The following BTD variants were observed in gnomAD, a reference collection of about 807,000 sequenced individuals.
BTD encodes biocytinase.
In BTD, 13 loss-of-function variants were observed where a neutral mutation model predicts 17.7. That is an observed-to-expected ratio of 0.74 (90% CI 0.48 to 1.17). The LOEUF (loss-of-function observed/expected upper bound fraction) is 1.17. BTD is among the 50% of genes most tolerant of loss of function. The pLI is 0.00. For synonymous variants in BTD, 240 were observed against 245.2 expected (o/e 0.98, Z 0.20); for missense variants, 674 against 650.4 (o/e 1.04, Z -0.39).
chr3:15,602,387 G>A (rs915767353), intron 1 of BTD: 23 of 915,002 alleles, frequency 2.5e-5, no homozygotes, highest in Admixed American at 5.3e-5. Context: ...CCAAAATTAG[G>A]AACTATGGCG....
chr3:15,698,299 A>C (rs6442538), intron 3 of BTD, among the ~76,000 whole-genome samples: 71,414 of 152,008 alleles, frequency 0.47, 19,686 homozygotes, highest in Middle Eastern at 0.6. Flanking sequence ...AATGGGCAAA[A>C]ACTGGAAGCA....
downstream of BTD, among the ~76,000 whole-genome samples, chr3:15,717,397 A>G (rs2073192626): frequency 6.6e-6 from 1 of 152,170 alleles, no homozygotes; most frequent in Non-Finnish European, 1.5e-5. Flanking sequence ...TACTAACTAA[A>G]AAGTTTGCCA....
intron 1 of BTD, among the ~76,000 whole-genome samples, chr3:15,633,500 G>A (rs2065265544): frequency 2.0e-5 from 3 of 152,166 alleles, no homozygotes; most frequent in African/African-American, 4.8e-5. Context: ...GATACCTTGC[G>A]GATTTTGCGG....
chr3:15,675,203 G>A lies in BTD; in HGVS notation c.399+33146G>A, dbSNP rs553938261. 9.9e-4 allele frequency among the ~76,000 whole-genome samples: 150 copies of A among 152,232 alleles called. 1 individual carries two copies. The highest frequency in any genetic ancestry group is 6.8e-3 in the Middle Eastern group (2 of 294). Reference sequence around the variant, plus strand: ...TGAGAATCGCTTGAACCCAGGAGGCGGAGGTTGCAGTAAGCCGAGATCATG... The same window carrying A: ...TGAGAATCGCTTGAACCCAGGAGGCAGAGGTTGCAGTAAGCCGAGATCATG... On this transcript the variant is annotated intron_variant, in intron 3 of 3. Transcript: ENST00000672141.
At chr3:15,642,557 C>T (rs919098227) in intron 3 of BTD, among the ~76,000 whole-genome samples, 3 of 151,254 alleles carry the variant, frequency 2.0e-5, no homozygotes, top group Non-Finnish European at 2.9e-5. Flanking sequence ...CGGGTTCATG[C>T]CATTCTCCTG....
chr3:15,693,109 AGG>A (rs2069016175), intron 3 of BTD, among the ~76,000 whole-genome samples: 3 of 152,202 alleles, frequency 2.0e-5, no homozygotes, highest in Non-Finnish European at 4.4e-5. Flanking sequence ...AAGGAGAAAC[AGG>A]GAGATGTTTA....
At chr3:15,689,606 G>A (rs1016073258) in intron 3 of BTD, among the ~76,000 whole-genome samples, 2 of 152,178 alleles carry the variant, frequency 1.3e-5, no homozygotes, top group African/African-American at 4.8e-5. Context: ...ACACTTGTGT[G>A]GGACAGGCTG....
chr3:15,617,577 A>G (rs1574986562), intron 1 of BTD, among the ~76,000 whole-genome samples: 1 of 152,268 alleles, frequency 6.6e-6, no homozygotes, highest in East Asian at 1.9e-4. Flanking sequence ...AGATGAGTTA[A>G]CTATAGCCTG....
In BTD at chr3:15,650,927, G is replaced by A. The variant is rs1172327755; in HGVS notation, c.*5439G>A. Among the ~76,000 whole-genome samples the A allele has an allele frequency of 2.0e-5, 3 of 152,056 alleles. No individual in the cohort carries two copies. The highest frequency in any genetic ancestry group is 2.9e-5 in the Non-Finnish European group (2 of 68,016). ...TGGGACTACAGGCACGTGCCACCAC[G>A]CCCAGCTAATTTTTTGTATTTTTAT... On this transcript the variant is annotated 3_prime_UTR_variant, in exon 4 of 4. Transcript: ENST00000643237.
chr3:15,656,976 G>A (rs73817043), downstream of BTD, among the ~76,000 whole-genome samples: 4,849 of 152,214 alleles, frequency 0.032, 254 homozygotes, highest in African/African-American at 0.11. Context: ...GTGGGGGATG[G>A]AGAACCCACT....
intron 3 of BTD, chr3:15,683,595 T>C (rs1416655205): frequency 6.6e-6 from 1 of 152,230 alleles, no homozygotes; most frequent in Non-Finnish European, 1.5e-5. Flanking sequence ...CAAGTTTTTA[T>C]GGTGCTATCA....
At chr3:15,631,129 A>T (rs1306763923) in intron 1 of BTD, among the ~76,000 whole-genome samples, 1 of 152,202 alleles carries the variant, frequency 6.6e-6, no homozygotes, top group East Asian at 1.9e-4. Flanking sequence ...GACTGTTGGA[A>T]CTTCCCAATG....
At chr3:15,617,693 A>G (rs1403631394) in intron 1 of BTD, among the ~76,000 whole-genome samples, 1 of 152,266 alleles carries the variant, frequency 6.6e-6, no homozygotes, top group East Asian at 1.9e-4. Context: ...ATTTGAGTCC[A>G]GCCTAGGCAA....
At chr3:15,621,655 A>C (rs2064955329) in intron 1 of BTD, among the ~76,000 whole-genome samples, 1 of 151,678 alleles carries the variant, frequency 6.6e-6, no homozygotes, top group Admixed American at 6.6e-5. Flanking sequence ...GCTGGAGTGC[A>C]ATGGTGCGAT....
chr3:15,637,667 TCTC>T (rs1484004583), intron 2 of BTD, among the ~76,000 whole-genome samples: 1 of 152,160 alleles, frequency 6.6e-6, no homozygotes, highest in Non-Finnish European at 1.5e-5. Flanking sequence ...ATGACACTGA[TCTC>T]CTAGAGGGCA....
intron 3 of BTD, chr3:15,676,453 A>G (rs2066948501): frequency 6.4e-6 from 1 of 156,766 alleles, no homozygotes; most frequent in Non-Finnish European, 1.4e-5. Context: ...CTAATCCCAG[A>G]ACGGGCAACA....
intron 3 of BTD, among the ~76,000 whole-genome samples, chr3:15,675,710 G>A (rs553796863): frequency 1.3e-5 from 2 of 152,124 alleles, no homozygotes; most frequent in Non-Finnish European, 2.9e-5. Context: ...ATAGGAATTC[G>A]GAAGTACATC....
At chr3:15,627,812 C>T (rs1216048068) in intron 1 of BTD, among the ~76,000 whole-genome samples, 1 of 152,204 alleles carries the variant, frequency 6.6e-6, no homozygotes, top group Non-Finnish European at 1.5e-5. Context: ...ATCTCTGCCT[C>T]CGAGGTTCAA....
At chr3:15,670,651 AT>A in intron 3 of BTD, 1 of 1,215,608 alleles carries the variant, frequency 8.2e-7, no homozygotes, top group Non-Finnish European at 1.1e-6. Context: ...CTTTAGACAT[AT>A]TTTACATTAC....
Sources: gnomAD v4.1 joint callset for allele counts (sites outside exome capture counted in the v4.1 genomes callset) on GRCh38, gnomAD v4.1.1 for gene constraint, MANE v1.5 for transcripts, NCBI Gene and HGNC (gene_info 2026-07-23, HGNC 2026-07-21) for gene names.